RASGRP4: variants seen among roughly 807,000 people sequenced by gnomAD.
RASGRP4 encodes the protein RAS guanyl-releasing protein 4.
Under a neutral mutation model 84.4 loss-of-function variants are expected in RASGRP4, and 52 were observed. That is an observed-to-expected ratio of 0.62 (90% CI 0.49 to 0.78). RASGRP4 has a LOEUF of 0.78. Ranked by LOEUF, RASGRP4 falls within the 30% of genes least tolerant of loss-of-function variation. The pLI, the probability that RASGRP4 is intolerant of heterozygous loss-of-function variation, is 0.00. For missense variants in RASGRP4, 760 were observed against 886.9 expected (o/e 0.86, Z 1.82); for synonymous variants, 356 against 359.1 (o/e 0.99, Z 0.10).
Position 38,413,065 on chromosome 19 carries a change from G to A in RASGRP4, c.1417-16C>T, listed in dbSNP as rs753458124. The A allele has an allele frequency of 3.7e-6, 6 of 1,606,828 alleles. No individual in the cohort carries two copies. Among genetic ancestry groups the A allele is most frequent in the Non-Finnish European group, 5.1e-6 (6 of 1,173,370 alleles). ...TGAACACAGACTTCAGAGGAGTGTG[G>A]GGAAGCAGATAAGGCCCAGTTGTCG... On this transcript the variant is annotated splice_polypyrimidine_tract_variant and intron_variant, in intron 11 of 16. Coordinates refer to ENST00000615439, the MANE Select transcript of RASGRP4 (RefSeq NM_170604.3). This position sits in a 1 kb window ranked among gnomAD's most constrained non-coding sequence, Gnocchi z 4.7.
Position 38,420,940 on chromosome 19 carries a change from C to T in RASGRP4, c.345G>A (p.Glu115=), listed in dbSNP as rs373684151. Residue 115 remains glutamate, a synonymous_variant, in exon 4 of 17, where the codon GAG becomes GAA. Transcript: ENST00000615439. ...GGTGACAGATCTGCAGCCGTCTCAG[C>T]TCCTGGGTGTCCCCTGTGGCCTTCT... ...SYQKATGDTQ[E]LRRLQICHLV... The T allele has an allele frequency of 5.0e-6, 8 of 1,613,936 alleles. No homozygotes were observed. Among genetic ancestry groups the T allele is most frequent in the Non-Finnish European group, 5.9e-6 (7 of 1,179,864 alleles).
At chr19:38,414,261 T>G (rs1971398633) in intron 9 of RASGRP4, among the ~76,000 whole-genome samples, 1 of 151,330 alleles carries the variant, frequency 6.6e-6, no homozygotes, top group Non-Finnish European at 1.5e-5. Context: ...AACGATGTCA[T>G]TGGCTGTCTC....
chr19:38,426,080 T>G lies in RASGRP4; in HGVS notation c.12A>C (p.Lys4Asn). The G allele has an allele frequency of 3.7e-6, 5 of 1,348,820 alleles. No individual in the cohort carries two copies. Among genetic ancestry groups the G allele is most frequent in the Non-Finnish European group, 4.8e-6 (5 of 1,040,866 alleles). 83.6% of individuals were successfully genotyped at this position (1,348,820 alleles called of 1,614,324 possible). MNR[K>N]DSKRKSHQEC... ...GAGGGTCCTCTCACCTCTTACTGTCTTTTCTGTTCATGCTTCCCGCGTGGG... is the reference window on the plus strand; with the variant it reads ...GAGGGTCCTCTCACCTCTTACTGTCGTTTCTGTTCATGCTTCCCGCGTGGG... The change falls in exon 1 of 17, where the codon AAA becomes AAC. Residue 4 changes from lysine (K) to asparagine (N), a missense_variant. Transcript: ENST00000615439.
In RASGRP4 at chr19:38,412,655, T is replaced by TG. The variant is rs1333233897; in HGVS notation, c.1680+16dup. ...GACAGATGGAACCTAAGGGTGGTGA[T>TG]GGGGTGGGGTGCTCACGAAGCCACT... On this transcript the variant is annotated intron_variant, in intron 13 of 16. Transcript: ENST00000615439. This position sits in a 1 kb window ranked among gnomAD's most constrained non-coding sequence, Gnocchi z 4.6. 7 of 1,609,588 alleles carry TG rather than the reference T, an allele frequency of 4.3e-6. No homozygotes were observed. The highest frequency in any genetic ancestry group is 5.9e-6 in the Non-Finnish European group (7 of 1,177,850).
Position 38,413,029 on chromosome 19 carries a change from G to A in RASGRP4, c.1437C>T (p.Asp479=). 1 of 1,613,918 alleles carries A rather than the reference G, an allele frequency of 6.2e-7. No individual in the cohort carries two copies. The highest frequency in any genetic ancestry group is 8.5e-7 in the Non-Finnish European group (1 of 1,179,790). ...QLVESVFKNY[D]PEGRGTISQE... ...GAGAGATTGTTCCTCGGCCTTCAGG[G>A]TCATAATTCTTGAACACAGACTTCA... The change falls in exon 12 of 17, where the codon GAC becomes GAT. Residue 479 remains aspartate, a synonymous_variant. Coordinates refer to ENST00000615439, the MANE Select transcript of RASGRP4 (RefSeq NM_170604.3). This position sits in a 1 kb window ranked among gnomAD's most constrained non-coding sequence, Gnocchi z 4.7.
intron 1 of RASGRP4, among the ~76,000 whole-genome samples, chr19:38,423,254 A>G (rs775374097): frequency 2.8e-4 from 42 of 152,168 alleles, no homozygotes; most frequent in South Asian, 6.2e-4. Context: ...GACCAGTGTG[A>G]TGGCTCACGC....
chr19:38,411,684 A>G (rs1971263468), intron 13 of RASGRP4: 1 of 296,576 alleles, frequency 3.4e-6, no homozygotes, highest in Admixed American at 5.0e-5. Context: ...ATAGAGCAAG[A>G]CCCATCTCTT....
rs776582292 is a variant in RASGRP4 at position 38,410,995 on chromosome 19, G to A, written c.1856C>T (p.Ser619Phe). 3 of 1,604,198 alleles carry A rather than the reference G, an allele frequency of 1.9e-6. No homozygotes were observed. Among genetic ancestry groups the A allele is most frequent in the Non-Finnish European group, 8.5e-7 (1 of 1,175,532 alleles). ...TAGCGTGTAGGAGTGATTTTCCTCG[G>A]AGCCTGTTTGTGGGTGGATGGAAGG... ...STPAPHASCGSEENHSYTLSL... is the reference protein window; with the variant it reads ...STPAPHASCGFEENHSYTLSL... Residue 619 changes from serine to phenylalanine, a missense_variant, in exon 16 of 17, where the codon TCC (serine) becomes TTC (phenylalanine). By Grantham distance (155) the Ser-to-Phe change is radical (BLOSUM62 -2). Coordinates refer to ENST00000615439, the MANE Select transcript of RASGRP4 (RefSeq NM_170604.3).
chr19:38,415,787 G>A (rs903537727), intron 8 of RASGRP4, among the ~76,000 whole-genome samples: 11 of 151,804 alleles, frequency 7.2e-5, no homozygotes, highest in African/African-American at 1.7e-4. Context: ...GGCTGGGCAC[G>A]GTGGCTCACA....
chr19:38,422,630 C>T (rs748279062), intron 1 of RASGRP4, among the ~76,000 whole-genome samples: 4 of 149,658 alleles, frequency 2.7e-5, no homozygotes, highest in African/African-American at 4.9e-5. Context: ...ATCTAGGCTG[C>T]GTGCTGTTTA....
Position 38,420,093 on chromosome 19 carries a change from G to A in RASGRP4, c.509+38C>T, listed in dbSNP as rs761446898. 3.2e-5 allele frequency: 51 copies of A among 1,607,692 alleles called. No individual in the cohort carries two copies. The East Asian group carries it at 6.0e-4, about 19-fold the overall frequency. On this transcript the variant is annotated intron_variant, in intron 5 of 16. Coordinates refer to ENST00000615439, the MANE Select transcript of RASGRP4 (RefSeq NM_170604.3). ...ATATAGAGGGAGATGGCAGAATGGC[G>A]ATGGGGCAGGGAAGAGGGGAGCACA...
At chr19:38,424,374 C>T (rs1047426761) in intron 1 of RASGRP4, among the ~76,000 whole-genome samples, 11 of 152,138 alleles carry the variant, frequency 7.2e-5, no homozygotes, top group Non-Finnish European at 1.3e-4. Flanking sequence ...CCCACCTTTG[C>T]CTCTGAAAGT....
At chr19:38,416,499 G>A (rs1325859029) in intron 8 of RASGRP4, among the ~76,000 whole-genome samples, 1 of 150,176 alleles carries the variant, frequency 6.7e-6, no homozygotes, top group East Asian at 2.0e-4. Flanking sequence ...AATTTCTGGA[G>A]ATGGGGTCTC....
At position 38,420,796 on chromosome 19, in the gene RASGRP4, G is replaced by C. The variant is rs1247305823; in HGVS notation, c.377+112C>G. The C allele has an allele frequency of 3.8e-5, 41 of 1,081,606 alleles. No homozygotes were observed. The South Asian group carries it at 4.7e-4, about 12-fold the overall frequency. 67.0% of individuals were successfully genotyped at this position (1,081,606 alleles called of 1,614,324 possible). On this transcript the variant is annotated intron_variant, in intron 4 of 16. Transcript: ENST00000615439. ...CAGAAGTGGGATTTTGGCCTGTGGG[G>C]CTGGTTGGGTCTGTGGGAACTGGCC...
chr19:38,414,718 A>T, intron 9 of RASGRP4, 130 bp downstream of exon 9: 1 of 949,198 alleles, frequency 1.1e-6, no homozygotes, highest in Non-Finnish European at 1.5e-6. Flanking sequence ...AAAAAAACCT[A>T]GAAGTTCTGG....
Position 38,417,303 on chromosome 19 carries a change from C to A in RASGRP4, c.838-135G>T. Reference sequence around the variant, plus strand: ...TGGGGATCAGACAGGTGAGAGAAGGCGGGTGTGTGCGGCAAGAGTGGGACA... The same window carrying A: ...TGGGGATCAGACAGGTGAGAGAAGGAGGGTGTGTGCGGCAAGAGTGGGACA... On this transcript the variant is annotated intron_variant, in intron 7 of 16. Transcript: ENST00000615439. The surrounding 1 kb of genome is among the most constrained non-coding windows in gnomAD (Gnocchi z 5.1). 1.5e-6 allele frequency: 1 copy of A among 654,772 alleles called. No homozygotes were observed. The highest frequency in any genetic ancestry group is 2.8e-6 in the Non-Finnish European group (1 of 357,872). 40.6% of individuals were successfully genotyped at this position (654,772 alleles called of 1,614,324 possible).
intron 13 of RASGRP4, 98 bp from the exon 14 acceptor site, chr19:38,411,479 TTTTGAAATTCTCAAGGCTAGAGATTTAA>T (rs1971255276): frequency 8.4e-7 from 1 of 1,194,252 alleles, no homozygotes. Context: ...GCTACCCAGG[TTTTGAAATTCTCAAGGCTAGAGATTTAA>T]CTGGAATTAA....
At chr19:38,416,914 G>A in intron 8 of RASGRP4, 138 bp downstream of exon 8, 1 of 640,790 alleles carries the variant, frequency 1.6e-6, no homozygotes, top group Non-Finnish European at 2.9e-6. Flanking sequence ...CAGAGCCTGG[G>A]GGTCTGGGAT....
intron 6 of RASGRP4, among the ~76,000 whole-genome samples, chr19:38,419,547 C>A (rs981698328): frequency 2.0e-5 from 3 of 152,290 alleles, no homozygotes; most frequent in African/African-American, 7.2e-5. Context: ...GATTCTCCTG[C>A]CTCACCCTCC....
Sources: allele counts gnomAD v4.1 joint callset (sites outside exome capture counted in the v4.1 genomes callset), GRCh38; gene constraint gnomAD v4.1.1; non-coding constraint Gnocchi (gnomAD v3.1); transcripts MANE v1.5; gene names NCBI Gene and HGNC (gene_info 2026-07-23, HGNC 2026-07-21).